IGSF9: variants seen among roughly 807,000 people sequenced by gnomAD.
IGSF9 encodes the protein immunoglobulin superfamily member 9.
A neutral mutation model predicts 121.7 loss-of-function variants in IGSF9; 87 were observed. The observed-to-expected ratio is 0.71, with a 90% CI of 0.60 to 0.85. The LOEUF (loss-of-function observed/expected upper bound fraction) is 0.85. Among genes scored for constraint, IGSF9 ranks in the 40% least tolerant of loss-of-function variants. The probability of loss-of-function intolerance (pLI) is 0.00; values close to 1 mark genes in which losing one functional copy is unlikely to be tolerated. For synonymous variants in IGSF9, 640 were observed against 648.4 expected (o/e 0.99, Z 0.20); for missense variants, 1,462 against 1,565.3 (o/e 0.93, Z 1.11).
At position 159,928,898 on chromosome 1, in the gene IGSF9, G is replaced by GT; in HGVS notation, c.2489dup (p.His830GlnfsTer7). 6.3e-7 allele frequency: 1 copy of GT among 1,595,092 alleles called. No individual in the cohort carries two copies. Among genetic ancestry groups the GT allele is most frequent in the Non-Finnish European group, 8.5e-7 (1 of 1,171,464 alleles). Reference sequence around the variant, plus strand: ...GTCCCCGGCTAGATGGAGGATCCGGGTGGGGGCTGGGAGTTCCGGCAGGAT... The same window carrying GT: ...GTCCCCGGCTAGATGGAGGATCCGGGTTGGGGGCTGGGAGTTCCGGCAGGAT... On this transcript the variant is annotated frameshift_variant, in exon 19 of 21. Transcript: ENST00000368094. LOFTEE classifies it high-confidence loss of function.
At chr1:159,936,558 G>A (rs1651193058) in intron 5 of IGSF9, 42 bp from the exon 6 acceptor site, 1 of 1,588,024 alleles carries the variant, frequency 6.3e-7, no homozygotes. Flanking sequence ...TCCCCTGCCA[G>A]CCTCAGATCC....
intron 14 of IGSF9, 59 bp downstream of exon 14, chr1:159,930,633 T>G: frequency 6.2e-7 from 1 of 1,604,152 alleles, no homozygotes; most frequent in Non-Finnish European, 8.5e-7. Context: ...ATATCCCAGC[T>G]CTCCCAGCAG....
intron 3 of IGSF9, among the ~76,000 whole-genome samples, chr1:159,942,531 G>A (rs924238572): frequency 6.6e-6 from 1 of 152,194 alleles, no homozygotes; most frequent in South Asian, 2.1e-4. Flanking sequence ...GATGAGGAAG[G>A]GGGAGAGCGC....
rs1239926370 is a variant in IGSF9, at chr1:159,937,715, T to G, written c.371A>C (p.Asn124Thr). The change falls in exon 4 of 21, where the codon AAC (asparagine) becomes ACC (threonine). Residue 124 changes from asparagine (N) to threonine (T), a missense_variant. By Grantham distance (65) the Asn-to-Thr change is moderately conservative. This residue lies in a region of IGSF9 where 558 missense variants were observed against 599.4 expected (regional missense o/e 0.93). Coordinates refer to ENST00000368094, the MANE Select transcript of IGSF9 (RefSeq NM_001135050.2). Reference sequence around the variant, plus strand: ...GACTGTCAGATGCACCCAGGAGCCGTTAGCAAAATCGTCTTCAGGGATGTG... The same window carrying G: ...GACTGTCAGATGCACCCAGGAGCCGGTAGCAAAATCGTCTTCAGGGATGTG... ...DQHIPEDDFA[N>T]GSWVHLTVNS... The G allele has an allele frequency of 1.9e-6, 3 of 1,613,970 alleles. No individual in the cohort carries two copies. Among genetic ancestry groups the G allele is most frequent in the Admixed American group, 3.3e-5 (2 of 60,012 alleles).
At position 159,929,947 on chromosome 1, in the gene IGSF9, G is replaced by A. The variant is rs1438998688; in HGVS notation, c.2093C>T (p.Ala698Val). The change falls in exon 16 of 21, where the codon GCC becomes GTC. Residue 698 changes from alanine (A) to valine (V), a missense_variant. Physicochemically the swap from Ala to Val is moderately conservative, Grantham distance 64. Coordinates refer to ENST00000368094, the MANE Select transcript of IGSF9 (RefSeq NM_001135050.2). ...GTCGCTGACGAAGCTGCCCGCGAAG[G>A]CCACGAGGCGGAACTCGTAGAGAAC... The part of the protein sequence containing the change: ...KDVLYEFRLV[A>V]FAGSFVSDPS... 4 of 1,583,776 alleles carry A rather than the reference G, an allele frequency of 2.5e-6. No homozygotes were observed. The African/African-American group carries it at 5.4e-5, about 21-fold the overall frequency.
intron 3 of IGSF9, 147 bp from the exon 4 acceptor site, chr1:159,937,985 GTTGGGGTCAT>G: frequency 1.2e-6 from 1 of 859,600 alleles, no homozygotes; most frequent in Non-Finnish European, 1.8e-6. Flanking sequence ...CGCAGATGAG[GTTGGGGTCAT>G]TCAGGACAGG....
At chr1:159,941,520 G>C (rs2101883436) in intron 3 of IGSF9, among the ~76,000 whole-genome samples, 1 of 152,350 alleles carries the variant, frequency 6.6e-6, no homozygotes, top group Non-Finnish European at 1.5e-5. Flanking sequence ...TGTAGCTCAA[G>C]CAACAGCACA....
rs1557930107 is a variant in IGSF9 at position 159,928,878 on chromosome 1, CG to C, written c.2509del (p.Arg837GlyfsTer18). On this transcript the variant is annotated frameshift_variant, in exon 19 of 21. Coordinates refer to ENST00000368094, the MANE Select transcript of IGSF9 (RefSeq NM_001135050.2). LOFTEE classifies it high-confidence loss of function. ...AATGGGCTCCAGAGGTAAGGGTCCC[CG>C]GCTAGATGGAGGATCCGGGTGGGGG... ...PSPHPDPPSS[R>X]GPLPLEPICR... 1 of 1,593,518 alleles carries C rather than the reference CG, an allele frequency of 6.3e-7. No homozygotes were observed. Among genetic ancestry groups the C allele is most frequent in the African/African-American group, 1.3e-5 (1 of 74,186 alleles).
chr1:159,940,064 C>T (rs1038412988), intron 3 of IGSF9, among the ~76,000 whole-genome samples: 1 of 152,162 alleles, frequency 6.6e-6, no homozygotes, highest in Non-Finnish European at 1.5e-5. Context: ...TAATATTAGG[C>T]GTTGTCACCA....
chr1:159,941,626 G>A (rs1651383974), intron 3 of IGSF9, among the ~76,000 whole-genome samples: 1 of 152,240 alleles, frequency 6.6e-6, no homozygotes, highest in South Asian at 2.1e-4. Flanking sequence ...AGAAGGAAGA[G>A]CTTCAAGTCT....
chr1:159,927,638 C>A, intron 20 of IGSF9, 112 bp from the exon 21 acceptor site: 1 of 1,541,054 alleles, frequency 6.5e-7, no homozygotes, highest in Non-Finnish European at 8.8e-7. Flanking sequence ...GGGGGCAAGG[C>A]ACAGTCTAGA....
At position 159,931,343 on chromosome 1, in the gene IGSF9, T is replaced by TCACCCATCATCATCCCAGGGGTCCCA; in HGVS notation, c.1513+84_1514-83dup. ...GCAGGGGCCCCAGGGCCACTGACCT[T>TCACCCATCATCATCCCAGGGGTCCCA]CACCCATCATCATCCCAGGGGTCCC... On this transcript the variant is annotated intron_variant, in intron 12 of 20. Transcript: ENST00000368094. The surrounding 1 kb of genome is among the most constrained non-coding windows in gnomAD (Gnocchi z 4.8). The TCACCCATCATCATCCCAGGGGTCCCA allele has an allele frequency of 6.2e-7, 1 of 1,600,570 alleles. No homozygotes were observed. The highest frequency in any genetic ancestry group is 2.2e-5 in the East Asian group (1 of 44,672).
rs370811224 is a variant in IGSF9, at chr1:159,934,288, T to C, written c.1006A>G (p.Ile336Val). 4.3e-6 allele frequency: 7 copies of C among 1,611,344 alleles called. No homozygotes were observed. The African/African-American group carries it at 9.3e-5, about 22-fold the overall frequency. ...CAGCGGATCACCCCCGGCATGCCTATGGGCAGGGGTGTCTCAGGAGGCATA... is the reference window on the plus strand; with the variant it reads ...CAGCGGATCACCCCCGGCATGCCTACGGGCAGGGGTGTCTCAGGAGGCATA... ...TAMPPETPLP[I>V]GMPGVIRCPV... Residue 336 changes from isoleucine (I) to valine (V), a missense_variant, in exon 9 of 21, where the codon ATA becomes GTA. Ile to Val is a conservative substitution (Grantham distance 29). This residue lies in a region of IGSF9 where 558 missense variants were observed against 599.4 expected (regional missense o/e 0.93). Coordinates refer to ENST00000368094, the MANE Select transcript of IGSF9 (RefSeq NM_001135050.2).
intron 3 of IGSF9, among the ~76,000 whole-genome samples, chr1:159,938,232 C>T (rs1465602069): frequency 2.0e-5 from 3 of 152,086 alleles, no homozygotes; most frequent in African/African-American, 7.2e-5. Context: ...GTGTGAGCTC[C>T]TGGGAGTACT....
At chr1:159,942,535 A>T (rs1651419610) in intron 3 of IGSF9, among the ~76,000 whole-genome samples, 1 of 152,156 alleles carries the variant, frequency 6.6e-6, no homozygotes, top group South Asian at 2.1e-4. Flanking sequence ...AGGAAGGGGG[A>T]GAGCGCAGAG....
Position 159,932,151 on chromosome 1 carries a change from G to A in IGSF9, c.1246-223C>T, listed in dbSNP as rs1651022345. On this transcript the variant is annotated intron_variant, in intron 10 of 20. Coordinates refer to ENST00000368094, the MANE Select transcript of IGSF9 (RefSeq NM_001135050.2). The surrounding 1 kb of genome is among the most constrained non-coding windows in gnomAD (Gnocchi z 4.1). ...TGGGTAGGGGCTGGAGGAAAATGGT[G>A]GTGTAGTAAGGGCTGGCAGGCTTAG... The A allele has an allele frequency of 1.8e-6, 1 of 567,858 alleles. No homozygotes were observed. The highest frequency in any genetic ancestry group is 3.1e-6 in the Non-Finnish European group (1 of 322,416). 35.2% of individuals were successfully genotyped at this position (567,858 alleles called of 1,614,324 possible).
Position 159,931,247 on chromosome 1 carries a change from C to G in IGSF9, c.1528G>C (p.Val510Leu). Residue 510 changes from valine to leucine, a missense_variant, in exon 13 of 21, where the codon GTT becomes CTT. Coordinates refer to ENST00000368094, the MANE Select transcript of IGSF9 (RefSeq NM_001135050.2). The surrounding 1 kb of genome is among the most constrained non-coding windows in gnomAD (Gnocchi z 4.8). ...NVYVLGTSPH[V>L]VTNVSVVALP... ...GCCACCACGGACACATTGGTGACAA[C>G]ATGAGGGCTAGTGCCTAGGCAGGGG... The G allele has an allele frequency of 6.2e-7, 1 of 1,614,134 alleles. No homozygotes were observed. The highest frequency in any genetic ancestry group is 8.5e-7 in the Non-Finnish European group (1 of 1,179,996).
rs372167667 is a variant in IGSF9 at position 159,931,065 on chromosome 1, G to C, written c.1637+73C>G. The C allele has an allele frequency of 1.9e-6, 3 of 1,601,950 alleles. No homozygotes were observed. Among genetic ancestry groups the C allele is most frequent in the Non-Finnish European group, 2.6e-6 (3 of 1,171,148 alleles). On this transcript the variant is annotated intron_variant, in intron 13 of 20. Coordinates refer to ENST00000368094, the MANE Select transcript of IGSF9 (RefSeq NM_001135050.2). The surrounding 1 kb of genome is among the most constrained non-coding windows in gnomAD (Gnocchi z 4.8). ...AGAGGGACAGAAGAAAGGGCAGAAG[G>C]CCAGATAGGTTCAAGGAGGAGAGGA...
At chr1:159,943,221 T>C in intron 2 of IGSF9, 70 bp from the exon 3 acceptor site, 5 of 1,383,246 alleles carry the variant, frequency 3.6e-6, no homozygotes, top group Non-Finnish European at 4.9e-6. Flanking sequence ...GTGCCATCAG[T>C]ATCTCTGTAG....
Sources: gnomAD v4.1 joint callset for allele counts (sites outside exome capture counted in the v4.1 genomes callset) on GRCh38, gnomAD v4.1.1 for gene constraint, gnomAD v4.1.1 regional missense constraint, Gnocchi (gnomAD v3.1) non-coding constraint, MANE v1.5 for transcripts, NCBI Gene and HGNC (gene_info 2026-07-23, HGNC 2026-07-21) for gene names.